The following DMD variants were observed in gnomAD, a reference collection of about 807,000 sequenced individuals.
DMD encodes the protein dystrophin.
A neutral mutation model predicts 330.1 loss-of-function variants in DMD; 63 were observed. The ratio of observed to expected loss-of-function variants is 0.19; its 90% confidence interval spans 0.16 to 0.24. The LOEUF is 0.24. DMD is among the 10% of genes least tolerant of loss of function. The pLI, the probability that DMD is intolerant of heterozygous loss-of-function variation, is 1.00. For synonymous variants in DMD, 1,223 were observed against 959.8 expected (o/e 1.27, Z -5.07); for missense variants, 3,344 against 2,684.1 (o/e 1.25, Z -5.43).
intron 7 of DMD, among the ~76,000 whole-genome samples, chrX:32,704,021 G>A (rs974482989): frequency 1.8e-5 from 2 of 111,666 alleles, no homozygotes; most frequent in African/African-American, 6.5e-5. Flanking sequence ...TGAAAATAGT[G>A]AGAACTCACA....
chrX:31,599,499 G>A (rs2077250751), intron 55 of DMD, among the ~76,000 whole-genome samples: 1 of 112,230 alleles, frequency 8.9e-6, no homozygotes, highest in African/African-American at 3.2e-5. Context: ...TATTAAGATA[G>A]AAGATATTTA....
intron 16 of DMD, among the ~76,000 whole-genome samples, chrX:32,548,911 CTAGAA>C (rs1243944377): frequency 1.8e-5 from 2 of 111,364 alleles, no homozygotes; most frequent in Non-Finnish European, 3.8e-5. Flanking sequence ...AGAGTCAAAA[CTAGAA>C]TAGAATATAG....
intron 13 of DMD, among the ~76,000 whole-genome samples, chrX:32,582,517 C>T (rs73461707): frequency 9.0e-6 from 1 of 111,587 alleles, no homozygotes; most frequent in East Asian, 2.8e-4. Flanking sequence ...GATTGAAAGA[C>T]TTTACATAAT....
chrX:33,073,440 A>C lies in DMD; in HGVS notation c.32-53240T>G, dbSNP rs141253776. On this transcript the variant is annotated intron_variant, in intron 1 of 78. Transcript: ENST00000357033. ...AGTCACAAAAATGTTAAGCAACTTG[A>C]TCAGGCCCAACTGCCAATAAGTTTG... 9.8e-3 allele frequency among the ~76,000 whole-genome samples: 1,096 copies of C among 112,060 alleles called. 8 individuals carry two copies. The highest frequency in any genetic ancestry group is 0.033 in the African/African-American group (1,033 of 30,861).
intron 2 of DMD, among the ~76,000 whole-genome samples, chrX:32,886,593 G>T (rs960633911): frequency 9.1e-6 from 1 of 110,356 alleles, no homozygotes; most frequent in Admixed American, 9.6e-5. Flanking sequence ...TGAGGCAGGA[G>T]AATGGCGTGA....
intron 32 of DMD, among the ~76,000 whole-genome samples, chrX:32,388,384 A>G (rs1215880266): frequency 1.1e-5 from 1 of 87,638 alleles, no homozygotes; most frequent in African/African-American, 4.7e-5. Flanking sequence ...ATATGTTCCC[A>G]TATATTCCTA....
At chrX:32,842,676 G>A (rs765245382) in intron 4 of DMD, among the ~76,000 whole-genome samples, 6 of 111,464 alleles carry the variant, frequency 5.4e-5, no homozygotes, top group South Asian at 3.8e-4. Context: ...TGTGTTATTC[G>A]GTTTTCTGTT....
chrX:31,453,765 C>CAAAAAAAAAAAAAAAAAA (rs760511403), intron 59 of DMD, among the ~76,000 whole-genome samples: 6 of 8,977 alleles, frequency 6.7e-4, no homozygotes, highest in Admixed American at 4.8e-3. Context: ...AAAAAACAAG[C>CAAAAAAAAAAAAAAAAAA]AAAAAAAAAA....
chrX:31,153,728 G>A (rs1326995063), intron 74 of DMD, among the ~76,000 whole-genome samples: 1 of 111,607 alleles, frequency 9.0e-6, no homozygotes, highest in East Asian at 2.8e-4. Flanking sequence ...TAAATGAGTC[G>A]AACAAGTGCT....
chrX:31,349,631 T>C (rs1372258209), intron 60 of DMD, among the ~76,000 whole-genome samples: 1 of 112,084 alleles, frequency 8.9e-6, no homozygotes, highest in Non-Finnish European at 1.9e-5. Flanking sequence ...CACAGTGTGC[T>C]GTCAACTTAG....
At chrX:32,647,321 C>A (rs1714309708) in intron 9 of DMD, among the ~76,000 whole-genome samples, 2 of 111,662 alleles carry the variant, frequency 1.8e-5, no homozygotes, top group African/African-American at 6.5e-5. Flanking sequence ...CCTAGAAGCA[C>A]AGAAGTCTGG....
intron 1 of DMD, among the ~76,000 whole-genome samples, chrX:33,269,547 G>A (rs6628791): frequency 0.28 from 30,888 of 110,227 alleles, 5,297 homozygotes; most frequent in East Asian, 0.72. Flanking sequence ...CTCCCTGTAT[G>A]TAAAATAAAA....
chrX:33,037,002 G>T (rs910621767), intron 1 of DMD, among the ~76,000 whole-genome samples: 1 of 111,105 alleles, frequency 9.0e-6, no homozygotes, highest in Admixed American at 9.6e-5. Flanking sequence ...AGATAGTTTA[G>T]AGAGAAGGAG....
chrX:32,663,988 A>G (rs2061119421), intron 9 of DMD, among the ~76,000 whole-genome samples: 1 of 111,247 alleles, frequency 9.0e-6, no homozygotes, highest in Admixed American at 9.6e-5. Context: ...AAACAGCAGG[A>G]CTGCATTTTA....
At chrX:31,403,566 T>C (rs2061285623) in intron 60 of DMD, among the ~76,000 whole-genome samples, 1 of 112,024 alleles carries the variant, frequency 8.9e-6, no homozygotes, top group African/African-American at 3.2e-5. Context: ...ATAAATGCTG[T>C]GCTCCTTAAT....
intron 1 of DMD, among the ~76,000 whole-genome samples, chrX:33,056,082 C>T (rs772219980): frequency 9.1e-6 from 1 of 110,309 alleles, no homozygotes; most frequent in South Asian, 3.9e-4. Flanking sequence ...CTGAAACATA[C>T]TTTGAGAACC....
At chrX:33,176,979 GT>G (rs1156557469) in intron 1 of DMD, among the ~76,000 whole-genome samples, 9 of 111,964 alleles carry the variant, frequency 8.0e-5, no homozygotes, top group African/African-American at 2.9e-4. Context: ...AAGAGAAACT[GT>G]GTGAAGGGGA....
intron 7 of DMD, among the ~76,000 whole-genome samples, chrX:32,767,430 T>G (rs1481931685): frequency 1.8e-5 from 2 of 111,963 alleles, no homozygotes; most frequent in African/African-American, 6.5e-5. Flanking sequence ...AAAAGCTTCA[T>G]TTGTTAAGAC....
chrX:33,289,390 A>C (rs866101696), intron 1 of DMD, among the ~76,000 whole-genome samples: 5 of 111,554 alleles, frequency 4.5e-5, no homozygotes, highest in Non-Finnish European at 7.5e-5. Flanking sequence ...GGAGGTGTCC[A>C]ATATTTGTTT....
Sources: allele counts gnomAD v4.1 joint callset (sites outside exome capture counted in the v4.1 genomes callset), GRCh38; gene constraint gnomAD v4.1.1; transcripts MANE v1.5; gene names NCBI Gene and HGNC (gene_info 2026-07-23, HGNC 2026-07-21).